Variants in SLC41A2 observed in about 807,000 individuals in gnomAD.
The protein encoded by SLC41A2 is solute carrier family 41 member 2, also known as SLC41A1-like 1.
Under a neutral mutation model 58.3 loss-of-function variants are expected in SLC41A2, and 32 were observed. The ratio of observed to expected loss-of-function variants is 0.55; its 90% CI spans 0.41 to 0.74. The LOEUF (loss-of-function observed/expected upper bound fraction) is 0.74, where lower values mean the gene tolerates loss of function less well. Ranked by LOEUF, SLC41A2 falls within the 30% of genes least tolerant of loss-of-function variation. The probability of loss-of-function intolerance (pLI) is 0.00; values close to 1 mark genes in which losing one functional copy is unlikely to be tolerated. For missense variants in SLC41A2, 514 were observed against 680.6 expected (o/e 0.76, Z 2.72); for synonymous variants, 190 against 235.0 (o/e 0.81, Z 1.75).
chr12:104,953,960 T>G (rs2048053004), intron 1 of SLC41A2, among the ~76,000 whole-genome samples: 1 of 152,200 alleles, frequency 6.6e-6, no homozygotes, highest in Non-Finnish European at 1.5e-5. Context: ...CTTTTCCTAT[T>G]TAGACATTTT....
At chr12:104,835,868 G>A (rs980428495) in intron 10 of SLC41A2, among the ~76,000 whole-genome samples, 3 of 151,332 alleles carry the variant, frequency 2.0e-5, no homozygotes, top group Admixed American at 6.6e-5. Flanking sequence ...TTTTGAGACA[G>A]AGTCTTGCTC....
Position 104,801,895 on chromosome 12 carries a change from G to A in SLC41A2, c.*3257C>T, listed in dbSNP as rs1592894269. Among the ~76,000 whole-genome samples the A allele has an allele frequency of 6.6e-6, 1 of 152,264 alleles. No homozygotes were observed. Among genetic ancestry groups the A allele is most frequent in the Non-Finnish European group, 1.5e-5 (1 of 68,004 alleles). On this transcript the variant is annotated 3_prime_UTR_variant, in exon 11 of 11. Transcript: ENST00000258538. ...TGGGAGATTTCCACACTGGCTTGAT[G>A]TTCTCTAGTTCATCAAGAAGTAAGC...
intron 1 of SLC41A2, among the ~76,000 whole-genome samples, chr12:104,940,447 T>A (rs1187859481): frequency 2.0e-5 from 3 of 150,874 alleles, no homozygotes; most frequent in Non-Finnish European, 2.9e-5. Flanking sequence ...TGTATACATA[T>A]GGAACTAACC....
At chr12:104,904,308 A>T (rs1221824740) in intron 3 of SLC41A2, among the ~76,000 whole-genome samples, 2 of 152,202 alleles carry the variant, frequency 1.3e-5, no homozygotes, top group Non-Finnish European at 2.9e-5. Flanking sequence ...CCAACAAATG[A>T]AACTAAAGGC....
intron 3 of SLC41A2, among the ~76,000 whole-genome samples, chr12:104,902,938 T>C (rs1317867977): frequency 1.3e-5 from 2 of 152,172 alleles, no homozygotes; most frequent in Admixed American, 1.3e-4. Flanking sequence ...CTCTAAGCAA[T>C]AAAAATGCCG....
Position 104,889,056 on chromosome 12 carries a change from G to A in SLC41A2, c.857C>T (p.Ala286Val). ...ACCCTGCAGAAGAGATGCAATGAAG[G>A]CAGTTGCCACACTGCTAGAGCACAG... ...ILLCSSSVAT[A>V]FIASLLQGII... The change falls in exon 5 of 11, where the codon GCC (alanine) becomes GTC (valine). Residue 286 changes from alanine to valine, a missense_variant. Physicochemically the swap from Ala to Val is moderately conservative, Grantham distance 64. Around this residue, in one of 3 missense-constraint regions of SLC41A2, gnomAD observed 336 missense variants for 430.0 expected, o/e 0.78. Coordinates refer to ENST00000258538, the MANE Select transcript of SLC41A2 (RefSeq NM_001352171.3). 6.3e-7 allele frequency: 1 copy of A among 1,594,914 alleles called. No individual in the cohort carries two copies.
chr12:104,953,396 C>G (rs2048029355), intron 1 of SLC41A2, among the ~76,000 whole-genome samples: 1 of 152,184 alleles, frequency 6.6e-6, no homozygotes, highest in South Asian at 2.1e-4. Context: ...TAGGAGAAAA[C>G]AAGATTAAAG....
chr12:104,900,913 C>G (rs901978674), intron 3 of SLC41A2, among the ~76,000 whole-genome samples: 1 of 152,156 alleles, frequency 6.6e-6, no homozygotes, highest in Non-Finnish European at 1.5e-5. Flanking sequence ...TTCTTCATAT[C>G]CCTCCACTGA....
At chr12:104,935,109 C>T (rs1450602521) in intron 1 of SLC41A2, among the ~76,000 whole-genome samples, 1 of 152,128 alleles carries the variant, frequency 6.6e-6, no homozygotes, top group Admixed American at 6.5e-5. Context: ...AGGGGCATGC[C>T]ACCACGCCCG....
chr12:104,819,976 T>C (rs957560440), intron 10 of SLC41A2, among the ~76,000 whole-genome samples: 4 of 152,188 alleles, frequency 2.6e-5, no homozygotes, highest in Non-Finnish European at 4.4e-5. Flanking sequence ...TGTGTTAAGT[T>C]TCCTAACGTC....
At chr12:104,833,485 A>G (rs1187335673) in intron 10 of SLC41A2, among the ~76,000 whole-genome samples, 1 of 152,188 alleles carries the variant, frequency 6.6e-6, no homozygotes, top group Non-Finnish European at 1.5e-5. Flanking sequence ...ATCCCAGTAT[A>G]ACTCCATTAC....
At chr12:104,806,220 C>T (rs2040893897) in intron 10 of SLC41A2, among the ~76,000 whole-genome samples, 1 of 152,012 alleles carries the variant, frequency 6.6e-6, no homozygotes, top group African/African-American at 2.4e-5. Context: ...CCCACTCCCC[C>T]CACCCCACAA....
At chr12:104,814,640 G>T (rs982396820) in intron 10 of SLC41A2, among the ~76,000 whole-genome samples, 13 of 151,938 alleles carry the variant, frequency 8.6e-5, no homozygotes, top group African/African-American at 2.9e-4. Context: ...TTCCTCATCT[G>T]TACAATGAGG....
chr12:104,914,177 A>G (rs901042655), intron 2 of SLC41A2, among the ~76,000 whole-genome samples: 1 of 152,240 alleles, frequency 6.6e-6, no homozygotes, highest in Non-Finnish European at 1.5e-5. Context: ...TCCTTAGGAC[A>G]AAAAGAATAC....
intron 8 of SLC41A2, among the ~76,000 whole-genome samples, chr12:104,856,774 C>T (rs182019238): frequency 6.6e-6 from 1 of 152,048 alleles, no homozygotes; most frequent in Non-Finnish European, 1.5e-5. Context: ...GTTAGAGATA[C>T]GAACAGAGGT....
At position 104,958,139 on chromosome 12, in the gene SLC41A2, T is replaced by G. The variant is rs536776427; in HGVS notation, c.-219A>C. 6.6e-6 allele frequency: 1 copy of G among 151,848 alleles called. No homozygotes were observed. The highest frequency in any genetic ancestry group is 1.9e-4 in the East Asian group (1 of 5,156). The allele number at this position is 151,848 out of a possible 1,614,324, so 9.4% of individuals were successfully genotyped here. On this transcript the variant is annotated 5_prime_UTR_variant, in exon 1 of 11. Transcript: ENST00000258538. ...GGCCGGTGTGAGAAGGGTCCCCGTC[T>G]CCTCAGACCAGACCGAGACACCAGG... is the stretch of plus-strand genomic sequence containing the variant.
chr12:104,864,546 G>C (rs1239250899), intron 7 of SLC41A2, among the ~76,000 whole-genome samples: 1 of 152,090 alleles, frequency 6.6e-6, no homozygotes, highest in Non-Finnish European at 1.5e-5. Context: ...ATTGCACTGG[G>C]TACTTAGCAG....
chr12:104,853,911 A>ATTATTATTATTTTTTTTTTT lies in SLC41A2; in HGVS notation c.1255+7379_1255+7380insAAAAAAAAAAATAATAATAA. Among the ~76,000 whole-genome samples the ATTATTATTATTTTTTTTTTT allele has an allele frequency of 6.4e-4, 38 of 59,492 alleles. 2 individuals carry two copies. The highest frequency in any genetic ancestry group is 2.2e-3 in the East Asian group (5 of 2,290). The allele number at this position is 59,492 out of a possible 152,430, so 39.0% of individuals were successfully genotyped here. ...GGGTGCATGTCACCATGCCTGGCTG[A>ATTATTATTATTTTTTTTTTT]TTTTTTTTTTTTTTTTTTTTTTTTT... On this transcript the variant is annotated intron_variant, in intron 8 of 10. Coordinates refer to ENST00000258538, the MANE Select transcript of SLC41A2 (RefSeq NM_001352171.3).
upstream of SLC41A2, chr12:104,958,349 A>C (rs1414559274): frequency 2.7e-5 from 4 of 148,080 alleles, no homozygotes; most frequent in Admixed American, 2.7e-4. Context: ...CCCGCGCGGC[A>C]GCCCCGCGCA....
Sources: gnomAD v4.1 joint callset for allele counts (sites outside exome capture counted in the v4.1 genomes callset) on GRCh38, gnomAD v4.1.1 for gene constraint, gnomAD v4.1.1 regional missense constraint, MANE v1.5 for transcripts, NCBI Gene and HGNC (gene_info 2026-07-23, HGNC 2026-07-21) for gene names.